The following MTMR11 variants were observed in gnomAD, a reference collection of about 807,000 sequenced individuals.
MTMR11 encodes myotubularin related protein 11.
Under a neutral mutation model 100.0 loss-of-function variants are expected in MTMR11, and 89 were observed. The ratio of observed to expected loss-of-function variants is 0.89; its 90% CI spans 0.75 to 1.06. MTMR11 has a LOEUF of 1.06. Among genes scored for constraint, MTMR11 ranks in the 50% least tolerant of loss-of-function variants. The pLI is 0.00. For synonymous variants in MTMR11, 336 were observed against 326.3 expected, an observed-to-expected ratio of 1.03 and a Z score of -0.32; for missense variants, 809 against 873.7, an observed-to-expected ratio of 0.93 and a Z score of 0.93.
In MTMR11 at chr1:149,935,610, G is replaced by A. The variant is rs1553768960; in HGVS notation, c.238C>T (p.Gln80Ter). ...TGATTCCACTGCCATCCACAGGGCT[G>A]GAAGGTGACCCTAAAGTTGGTACAG... ...LICTNFRVTFQPCGWQWNQDT... is the reference protein window; with the variant it reads ...LICTNFRVTF The change falls in exon 3 of 17, where the codon CAG becomes TAG. Residue 80 changes from glutamine (Q) to a stop codon, truncating the protein, a stop_gained. Transcript: ENST00000439741. LOFTEE classifies it high-confidence loss of function. 1 of 1,614,080 alleles carries A rather than the reference G, an allele frequency of 6.2e-7. No individual in the cohort carries two copies. Among genetic ancestry groups the A allele is most frequent in the Non-Finnish European group, 8.5e-7 (1 of 1,179,966 alleles).
In MTMR11 at chr1:149,929,970, C is replaced by T. The variant is rs1396736508; in HGVS notation, c.1648-54G>A. 4.5e-6 allele frequency: 7 copies of T among 1,549,608 alleles called. No individual in the cohort carries two copies. The African/African-American group carries it at 9.6e-5, about 21-fold the overall frequency. On this transcript the variant is annotated intron_variant, in intron 15 of 16. Transcript: ENST00000439741. ...CAGAGAGACCAGATAACCCTAGTTT[C>T]CCCAATCTGGATCAGGACAGGGTGT...
At position 149,935,286 on chromosome 1, in the gene MTMR11, C is replaced by T. The variant is rs781889585; in HGVS notation, c.325+13G>A. On this transcript the variant is annotated intron_variant, in intron 4 of 16. Transcript: ENST00000439741. ...CCCAGTGAACCCCTTCACCAAACCC[C>T]CCCCCAACTTACCAGCCTCTAATCG... 3 of 1,613,278 alleles carry T rather than the reference C, an allele frequency of 1.9e-6. No homozygotes were observed. The highest frequency in any genetic ancestry group is 2.5e-6 in the Non-Finnish European group (3 of 1,179,456).
chr1:149,933,601 C>T lies in MTMR11; in HGVS notation c.860+9G>A. ...TAACCCTTGATTCTTCTCATCAAGC[C>T]TCCCTCACCTGATATCCTCCTTGTT... is the stretch of plus-strand genomic sequence containing the variant. On this transcript the variant is annotated intron_variant, in intron 9 of 16. Coordinates refer to ENST00000439741, the MANE Select transcript of MTMR11 (RefSeq NM_001145862.2). 6.2e-7 allele frequency: 1 copy of T among 1,614,140 alleles called. No homozygotes were observed.
At chr1:149,932,218 A>T (rs782691477) in intron 11 of MTMR11, 46 bp downstream of exon 11, 4 of 1,583,424 alleles carry the variant, frequency 2.5e-6, no homozygotes, top group South Asian at 1.1e-5. Flanking sequence ...CAGAAGGTTG[A>T]GGAAGGTTGA....
At position 149,934,236 on chromosome 1, in the gene MTMR11, C is replaced by T; in HGVS notation, c.638G>A (p.Gly213Asp). Residue 213 changes from glycine (G) to aspartate (D), a missense_variant, in exon 7 of 17, where the codon GGC becomes GAC. Transcript: ENST00000439741. ...ETERKKQAARGWRVSTVNERF... is the reference protein window; with the variant it reads ...ETERKKQAARDWRVSTVNERF... ...CTCGTTGACCGTGCTGACCCTCCAG[C>T]CTCTGGCTGCCTGCTTCTTCCGCTC... 15 of 1,614,168 alleles carry T rather than the reference C, an allele frequency of 9.3e-6. No individual in the cohort carries two copies. Among genetic ancestry groups the T allele is most frequent in the Middle Eastern group, 3.3e-4 (2 of 6,062 alleles).
rs2092697291 is a variant in MTMR11, at chr1:149,934,263, G to A, written c.611C>T (p.Thr204Ile). The change falls in exon 7 of 17, where the codon ACT becomes ATT. Residue 204 changes from threonine (T) to isoleucine (I), a missense_variant. Coordinates refer to ENST00000439741, the MANE Select transcript of MTMR11 (RefSeq NM_001145862.2). The stretch of plus-strand genomic sequence containing the variant: ...TCTGGCTGCCTGCTTCTTCCGCTCA[G>A]TCTCCCAGTCTTCCGCTGTCTCCAT... Reference protein sequence around the residue: ...PLMETAEDWETERKKQAARGW... With the variant: ...PLMETAEDWEIERKKQAARGW... 1 of 1,614,096 alleles carries A rather than the reference G, an allele frequency of 6.2e-7. No homozygotes were observed. Among genetic ancestry groups the A allele is most frequent in the African/African-American group, 1.3e-5 (1 of 74,926 alleles).
chr1:149,934,439 C>T lies in MTMR11; in HGVS notation c.547+9G>A. 2 of 1,614,164 alleles carry T rather than the reference C, an allele frequency of 1.2e-6. No individual in the cohort carries two copies. Among genetic ancestry groups the T allele is most frequent in the Non-Finnish European group, 1.7e-6 (2 of 1,179,996 alleles). On this transcript the variant is annotated intron_variant, in intron 6 of 16. Transcript: ENST00000439741. ...AGACTCTTCCTTACCCTAAAGCACT[C>T]TCACTCACCAGCCTTGCTCAGGGTT...
In MTMR11 at chr1:149,929,026, A is replaced by C. The variant is rs2092618277; in HGVS notation, c.*103T>G. 4.4e-6 allele frequency: 7 copies of C among 1,600,472 alleles called. No individual in the cohort carries two copies. The highest frequency in any genetic ancestry group is 6.0e-6 in the Non-Finnish European group (7 of 1,172,204). On this transcript the variant is annotated 3_prime_UTR_variant, in exon 17 of 17. Coordinates refer to ENST00000439741, the MANE Select transcript of MTMR11 (RefSeq NM_001145862.2). The stretch of plus-strand genomic sequence containing the variant: ...AGCAGTTAACACCACTATCTGCAGC[A>C]GAAACTCAGACCTTCTTAGTGAACT...
intron 8 of MTMR11, 66 bp from the exon 9 acceptor site, chr1:149,933,764 A>G (rs1157489308): frequency 9.3e-6 from 15 of 1,609,950 alleles, no homozygotes; most frequent in Non-Finnish European, 1.2e-5. Context: ...CCTTGCCCCC[A>G]CACTGACCTC....
chr1:149,936,087 G>A, intron 2 of MTMR11, 67 bp downstream of exon 2: 1 of 1,505,306 alleles, frequency 6.6e-7, no homozygotes, highest in East Asian at 2.3e-5. Context: ...TCTTTGGTGA[G>A]GGCATGAAAC....
intron 3 of MTMR11, 63 bp downstream of exon 3, chr1:149,935,521 T>G: frequency 6.3e-7 from 1 of 1,597,890 alleles, no homozygotes; most frequent in Non-Finnish European, 8.6e-7. Context: ...TTTGTCTAAA[T>G]CCTGCTAGAC....
At position 149,931,968 on chromosome 1, in the gene MTMR11, TG is replaced by T. The variant is rs1553767746; in HGVS notation, c.1098del (p.Arg367GlyfsTer5). The T allele has an allele frequency of 6.2e-7, 1 of 1,613,972 alleles. No homozygotes were observed. Among genetic ancestry groups the T allele is most frequent in the Admixed American group, 1.7e-5 (1 of 60,014 alleles). ...KASDISVLVTSRVRSVILQER... is the reference protein window; with the variant it reads ...KASDISVLVTXRVRSVILQER... ...CCTTGAAGTATTACAGAACGAACCC[TG>T]GATGTCACTAATACTGAAATGTCAC... is the stretch of plus-strand genomic sequence containing the variant. On this transcript the variant is annotated frameshift_variant, in exon 12 of 17. Coordinates refer to ENST00000439741, the MANE Select transcript of MTMR11 (RefSeq NM_001145862.2). LOFTEE classifies it high-confidence loss of function.
In MTMR11 at chr1:149,928,747, C is replaced by G. The variant is rs2092613858; in HGVS notation, c.*382G>C. 10 of 991,700 alleles carry G rather than the reference C, an allele frequency of 1.0e-5. No individual in the cohort carries two copies. In the South Asian group the frequency reaches 1.4e-4, roughly 13 times the overall value. 61.4% of individuals were successfully genotyped at this position (991,700 alleles called of 1,614,324 possible). On this transcript the variant is annotated 3_prime_UTR_variant, in exon 17 of 17. Coordinates refer to ENST00000439741, the MANE Select transcript of MTMR11 (RefSeq NM_001145862.2). ...GTGTTTCCTGTATCCGCCTCATTCC[C>G]ATAGAAAACTATAAGGGAAGAAATA... is the stretch of plus-strand genomic sequence containing the variant.
chr1:149,930,192 T>G, intron 15 of MTMR11, 173 bp downstream of exon 15: 2 of 737,348 alleles, frequency 2.7e-6, no homozygotes, highest in Non-Finnish European at 4.4e-6. Context: ...TCTGTGCTAT[T>G]CTAGGTCTTC....
In MTMR11 at chr1:149,929,694, G is replaced by A. The variant is rs146993077; in HGVS notation, c.1870C>T (p.Leu624=). ...GACPLPPGLL[L]PGYLGPQIRL... ...ATCTGGGGTCCCAGATACCCAGGCA[G>A]CAGCAGCCCTGGAGGTAAAGGGCAA... Residue 624 remains leucine, a synonymous_variant, in exon 16 of 17, where the codon CTG becomes TTG. Coordinates refer to ENST00000439741, the MANE Select transcript of MTMR11 (RefSeq NM_001145862.2). 2.5e-4 allele frequency: 405 copies of A among 1,614,002 alleles called. No homozygotes were observed. The highest frequency in any genetic ancestry group is 3.2e-4 in the Non-Finnish European group (380 of 1,180,012).
At chr1:149,931,504 C>G in intron 12 of MTMR11, 78 bp from the exon 13 acceptor site, 1 of 1,374,618 alleles carries the variant, frequency 7.3e-7, no homozygotes, top group Non-Finnish European at 9.9e-7. Flanking sequence ...AAGAGAAATA[C>G]GGCAAGGAGA....
rs966520401 is a variant in MTMR11 at position 149,930,250 on chromosome 1, G to A, written c.1647+115C>T. ...GACTATAAGTGACAGCTGCAGAAGAGTAGTGGAGTAGCTTTCCCTAAGGAA... is the reference window on the plus strand; with the variant it reads ...GACTATAAGTGACAGCTGCAGAAGAATAGTGGAGTAGCTTTCCCTAAGGAA... On this transcript the variant is annotated intron_variant, in intron 15 of 16. Coordinates refer to ENST00000439741, the MANE Select transcript of MTMR11 (RefSeq NM_001145862.2). 71 of 1,092,634 alleles carry A rather than the reference G, an allele frequency of 6.5e-5. 1 individual carries two copies. The African/African-American group carries it at 1.1e-3, about 16-fold the overall frequency. 67.7% of individuals were successfully genotyped at this position (1,092,634 alleles called of 1,614,324 possible). A position where few individuals can be genotyped will look rare whatever the true frequency, so the allele number is the denominator to read the frequency against.
At chr1:149,933,033 G>A (rs587635715) in intron 10 of MTMR11, among the ~76,000 whole-genome samples, 20 of 146,774 alleles carry the variant, frequency 1.4e-4, no homozygotes, top group East Asian at 2.1e-4. Context: ...CAGTTCACCC[G>A]CCTCCTGGGT....
intron 15 of MTMR11, 22 bp from the exon 16 acceptor site, chr1:149,929,938 CTG>C (rs1553767108): frequency 6.2e-7 from 1 of 1,600,800 alleles, no homozygotes; most frequent in East Asian, 2.2e-5. Flanking sequence ...AGAAAATCAA[CTG>C]GCAACAGAGA....
Sources: allele counts gnomAD v4.1 joint callset (sites outside exome capture counted in the v4.1 genomes callset), GRCh38; gene constraint gnomAD v4.1.1; transcripts MANE v1.5; gene names NCBI Gene and HGNC (gene_info 2026-07-23, HGNC 2026-07-21).